The following PIK3R3 variants were observed in gnomAD, a reference collection of about 807,000 sequenced individuals.
The protein encoded by PIK3R3 is phosphatidylinositol 3-kinase regulatory subunit gamma.
PIK3R3 carries 64 observed loss-of-function variants against 62.9 expected under a neutral mutation model. That is an observed-to-expected ratio of 1.02 (90% CI 0.83 to 1.25). The LOEUF (loss-of-function observed/expected upper bound fraction) is 1.25. PIK3R3 is among the 50% of genes most tolerant of loss of function. PIK3R3 has a pLI of 0.00. For missense variants in PIK3R3, 614 were observed against 561.6 expected, an observed-to-expected ratio of 1.09 and a Z score of -0.94; for synonymous variants, 165 against 189.0, an observed-to-expected ratio of 0.87 and a Z score of 1.04.
intron 7 of PIK3R3, among the ~76,000 whole-genome samples, chr1:46,051,543 G>C (rs1344273832): frequency 6.6e-6 from 1 of 152,064 alleles, no homozygotes; most frequent in African/African-American, 2.4e-5. Flanking sequence ...TTACAGGTGT[G>C]AGCCACTGCA....
rs1478132793 is a variant in PIK3R3, at chr1:46,041,543, G to A, written c.*2130C>T. On this transcript the variant is annotated 3_prime_UTR_variant, in exon 10 of 10. Transcript: ENST00000262741. ...GCCCTGTATCTGTATTTCCATTTTGGTTTAAAAGACACTCAGAACACACTG... is the reference window on the plus strand; with the variant it reads ...GCCCTGTATCTGTATTTCCATTTTGATTTAAAAGACACTCAGAACACACTG... 1 of 177,808 alleles carries A rather than the reference G, an allele frequency of 5.6e-6. No homozygotes were observed. The highest frequency in any genetic ancestry group is 1.2e-5 in the Non-Finnish European group (1 of 82,444). The allele number at this position is 177,808 out of a possible 1,614,324, so 11.0% of individuals were successfully genotyped here. A position where few individuals can be genotyped will look rare whatever the true frequency, so the allele number is the denominator to read the frequency against.
Position 46,043,642 on chromosome 1 carries a change from C to A in PIK3R3, c.*31G>T. 6.3e-7 allele frequency: 1 copy of A among 1,590,322 alleles called. No homozygotes were observed. On this transcript the variant is annotated 3_prime_UTR_variant, in exon 10 of 10. Transcript: ENST00000262741. ...CTAATAAAAACTGTAGAAAAAAATG[C>A]CAGAGAACCACCTCTCTTCCCACTT...
At chr1:46,056,816 G>A (rs1013802570) in intron 6 of PIK3R3, 1 of 152,204 alleles carries the variant, frequency 6.6e-6, no homozygotes, top group African/African-American at 2.4e-5. Context: ...ATCCAGCAAT[G>A]ACTGAACAAG....
chr1:46,115,774 A>C (rs985492232), intron 1 of PIK3R3, among the ~76,000 whole-genome samples: 1 of 152,238 alleles, frequency 6.6e-6, no homozygotes, highest in African/African-American at 2.4e-5. Context: ...ACCACAGATA[A>C]GTGTGACAGA....
intron 1 of PIK3R3, among the ~76,000 whole-genome samples, chr1:46,130,097 T>C (rs2149479230): frequency 6.6e-6 from 1 of 152,344 alleles, no homozygotes; most frequent in East Asian, 1.9e-4. Flanking sequence ...TAGGCTAATA[T>C]ATTTCAACCA....
chr1:46,173,386 A>G, the PIK3R3 span, among the ~76,000 whole-genome samples: 4 of 152,204 alleles, frequency 2.6e-5, no homozygotes, highest in African/African-American at 9.6e-5. Flanking sequence ...TGCCTTGCTC[A>G]CTGCTGTATC....
intron 1 of PIK3R3, among the ~76,000 whole-genome samples, chr1:46,123,759 C>T (rs1256228961): frequency 1.3e-5 from 2 of 152,086 alleles, no homozygotes; most frequent in Non-Finnish European, 2.9e-5. Context: ...AATAACAATG[C>T]CAATTTTATA....
At chr1:46,136,434 G>C (rs1354942364), upstream of PIK3R3, among the ~76,000 whole-genome samples, 2 of 152,168 alleles carry the variant, frequency 1.3e-5, no homozygotes, top group Admixed American at 6.5e-5. Context: ...TGAGACAGCA[G>C]TGTCTAAAAT....
At chr1:46,135,550 T>C (rs1376743633), upstream of PIK3R3, among the ~76,000 whole-genome samples, 1 of 152,234 alleles carries the variant, frequency 6.6e-6, no homozygotes, top group Non-Finnish European at 1.5e-5. Flanking sequence ...ATGGTTTTTT[T>C]CTGCAACTGT....
intron 5 of PIK3R3, among the ~76,000 whole-genome samples, chr1:46,062,672 G>T (rs1266097003): frequency 3.9e-5 from 6 of 152,138 alleles, no homozygotes; most frequent in Non-Finnish European, 8.8e-5. Flanking sequence ...TATGCATAAG[G>T]GTCTAGAAAA....
chr1:46,087,811 T>C (rs1322281992), intron 1 of PIK3R3, among the ~76,000 whole-genome samples: 1 of 152,068 alleles, frequency 6.6e-6, no homozygotes, highest in African/African-American at 2.4e-5. Context: ...AGCTTCAAAA[T>C]GGATGAACAT....
At chr1:46,150,317 G>A in the PIK3R3 span, among the ~76,000 whole-genome samples, 2 of 152,118 alleles carry the variant, frequency 1.3e-5, no homozygotes, top group African/African-American at 2.4e-5. Context: ...GGGCTATTGT[G>A]GAATGTCTGT....
At chr1:46,117,304 G>C (rs573311254) in intron 1 of PIK3R3, among the ~76,000 whole-genome samples, 3 of 151,984 alleles carry the variant, frequency 2.0e-5, no homozygotes, top group Admixed American at 6.6e-5. Context: ...ATGGTGGCAC[G>C]CACCTATAGT....
At chr1:46,065,392 T>G (rs925959451) in intron 5 of PIK3R3, among the ~76,000 whole-genome samples, 2 of 152,250 alleles carry the variant, frequency 1.3e-5, no homozygotes, top group Non-Finnish European at 2.9e-5. Context: ...ATCTAAAAAC[T>G]GTGTAGCTAA....
intron 1 of PIK3R3, among the ~76,000 whole-genome samples, chr1:46,115,769 A>C (rs893219534): frequency 2.6e-5 from 4 of 152,206 alleles, no homozygotes; most frequent in African/African-American, 9.6e-5. Flanking sequence ...CCTCTACCAC[A>C]GATAAGTGTG....
chr1:46,142,420 C>T, the PIK3R3 span, among the ~76,000 whole-genome samples: 3 of 152,092 alleles, frequency 2.0e-5, no homozygotes, highest in Non-Finnish European at 4.4e-5. Context: ...TTACAGAGGC[C>T]GGGCGCGGTG....
At chr1:46,170,651 C>G in the PIK3R3 span, among the ~76,000 whole-genome samples, 1 of 152,188 alleles carries the variant, frequency 6.6e-6, no homozygotes, top group South Asian at 2.1e-4. Flanking sequence ...AAACTCCTGA[C>G]CTCAGGTGAT....
chr1:46,071,712 A>ATATATATATATATAT (rs1553148026), intron 3 of PIK3R3, among the ~76,000 whole-genome samples: 1 of 24,654 alleles, frequency 4.1e-5, no homozygotes, highest in African/African-American at 1.5e-4. Context: ...AAAAAAAAAA[A>ATATATATATATATAT]ATATATATAT....
At chr1:46,161,352 C>T in the PIK3R3 span, among the ~76,000 whole-genome samples, 17 of 151,416 alleles carry the variant, frequency 1.1e-4, no homozygotes, top group East Asian at 2.5e-3. Context: ...CTTGCCTTGG[C>T]CTCCCAAAGT....
Sources: allele counts gnomAD v4.1 joint callset (sites outside exome capture counted in the v4.1 genomes callset), GRCh38; gene constraint gnomAD v4.1.1; transcripts MANE v1.5; gene names NCBI Gene and HGNC (gene_info 2026-07-23, HGNC 2026-07-21).